SCEL: variants seen among roughly 807,000 people sequenced by gnomAD.
SCEL encodes the protein sciellin.
SCEL carries 113 observed loss-of-function variants against 117.6 expected under a neutral mutation model. That is an observed-to-expected ratio of 0.96 (90% CI 0.83 to 1.12). SCEL has a LOEUF of 1.12. SCEL is among the 50% of genes most tolerant of loss of function. The pLI, the probability that SCEL is intolerant of heterozygous loss-of-function variation, is 0.00. For missense variants in SCEL, 785 were observed against 810.8 expected (o/e 0.97, Z 0.39); for synonymous variants, 270 against 256.2 (o/e 1.05, Z -0.51).
Position 77,563,819 on chromosome 13 carries a change from T to C in SCEL, c.222-12T>C. 1.9e-6 allele frequency: 3 copies of C among 1,567,662 alleles called. No individual in the cohort carries two copies. The highest frequency in any genetic ancestry group is 2.6e-6 in the Non-Finnish European group (3 of 1,161,542). On this transcript the variant is annotated splice_polypyrimidine_tract_variant and intron_variant, in intron 4 of 32. Coordinates refer to ENST00000349847, the MANE Select transcript of SCEL (RefSeq NM_144777.3). The stretch of plus-strand genomic sequence containing the variant: ...TTGATTTTTTTTTTTTTGGTAATTA[T>C]GTTTGCTACAGGAAAGTAAATGAGA...
chr13:77,608,426 C>G (rs527317458), intron 20 of SCEL, among the ~76,000 whole-genome samples: 6 of 152,216 alleles, frequency 3.9e-5, no homozygotes, highest in African/African-American at 1.4e-4. Flanking sequence ...ATAGTGAAAC[C>G]GTGTCTCTAT....
intron 9 of SCEL, among the ~76,000 whole-genome samples, chr13:77,582,801 T>G (rs2086340182): frequency 2.0e-5 from 3 of 152,106 alleles, no homozygotes. Flanking sequence ...TTTGCTTAAC[T>G]AATGATCACA....
intron 1 of SCEL, among the ~76,000 whole-genome samples, chr13:77,536,481 A>G (rs920527236): frequency 6.6e-6 from 1 of 152,208 alleles, no homozygotes; most frequent in Non-Finnish European, 1.5e-5. Flanking sequence ...CATCTGGCCA[A>G]CTTCTCTATG....
chr13:77,618,729 A>G (rs1340178175), intron 27 of SCEL, among the ~76,000 whole-genome samples: 2 of 152,180 alleles, frequency 1.3e-5, no homozygotes, highest in African/African-American at 4.8e-5. Context: ...GAGTTTTAGG[A>G]CTGAAATGAA....
At chr13:77,611,439 A>T (rs1338292462) in intron 22 of SCEL, among the ~76,000 whole-genome samples, 6 of 152,180 alleles carry the variant, frequency 3.9e-5, no homozygotes. Context: ...TATTAATACA[A>T]CTTTATTTTT....
chr13:77,581,408 A>G (rs17067979), intron 9 of SCEL, among the ~76,000 whole-genome samples: 3,749 of 152,294 alleles, frequency 0.025, 156 homozygotes, highest in East Asian at 0.13. Context: ...GGAACAACCT[A>G]GACAGTCCCT....
At chr13:77,569,488 C>T (rs1454686165) in intron 8 of SCEL, 37 bp downstream of exon 8, 6 of 1,500,514 alleles carry the variant, frequency 4.0e-6, no homozygotes, top group Non-Finnish European at 5.6e-6. Flanking sequence ...CTTGCTGATA[C>T]ACTATGAAAG....
At chr13:77,556,459 C>G in intron 2 of SCEL, 137 bp from the exon 3 acceptor site, 1 of 695,360 alleles carries the variant, frequency 1.4e-6, no homozygotes, top group Middle Eastern at 2.5e-4. Flanking sequence ...GTGCATCCTA[C>G]TTTGAAACAG....
At chr13:77,585,522 G>A (rs2086512744) in intron 9 of SCEL, among the ~76,000 whole-genome samples, 1 of 152,068 alleles carries the variant, frequency 6.6e-6, no homozygotes, top group South Asian at 2.1e-4. Flanking sequence ...AGCCAAGCAT[G>A]TGCGCGCTCT....
At chr13:77,538,249 T>G (rs546153153) in intron 1 of SCEL, among the ~76,000 whole-genome samples, 1 of 151,984 alleles carries the variant, frequency 6.6e-6, no homozygotes, top group Non-Finnish European at 1.5e-5. Context: ...CCTGAGTAGC[T>G]GGGAGTACAC....
chr13:77,614,053 A>G (rs2154403451), intron 24 of SCEL, 98 bp downstream of exon 24: 1 of 980,738 alleles, frequency 1.0e-6, no homozygotes, highest in Non-Finnish European at 1.6e-6. Flanking sequence ...TTGAATATAA[A>G]TCTCAAAATA....
intron 1 of SCEL, among the ~76,000 whole-genome samples, chr13:77,541,480 A>C (rs2083698750): frequency 6.6e-6 from 1 of 151,968 alleles, no homozygotes; most frequent in Non-Finnish European, 1.5e-5. Flanking sequence ...CACTTCTCGG[A>C]TTCATTCAAA....
At chr13:77,632,731 A>G (rs112582008) in intron 28 of SCEL, among the ~76,000 whole-genome samples, 6 of 152,314 alleles carry the variant, frequency 3.9e-5, no homozygotes, top group South Asian at 2.1e-4. Flanking sequence ...CTATTTTTGC[A>G]TTAAGAATCT....
At chr13:77,642,868 A>G in intron 32 of SCEL, 60 bp downstream of exon 32, 2 of 828,254 alleles carry the variant, frequency 2.4e-6, no homozygotes, top group Non-Finnish European at 3.8e-6. Flanking sequence ...ATTTGGTATC[A>G]TTTAAAATGA....
chr13:77,602,722 T>G lies in SCEL; in HGVS notation c.1037+9T>G. 6.2e-7 allele frequency: 1 copy of G among 1,608,494 alleles called. No homozygotes were observed. The highest frequency in any genetic ancestry group is 8.5e-7 in the Non-Finnish European group (1 of 1,175,180). On this transcript the variant is annotated intron_variant, in intron 17 of 32. Coordinates refer to ENST00000349847, the MANE Select transcript of SCEL (RefSeq NM_144777.3). ...AATAAAACGAGCAGAAGGTGAGAAC[T>G]GAACAGATGTCTCTAAATATTGGTT... is the stretch of plus-strand genomic sequence containing the variant.
At chr13:77,545,849 G>A (rs1312425795) in intron 1 of SCEL, among the ~76,000 whole-genome samples, 2 of 152,230 alleles carry the variant, frequency 1.3e-5, no homozygotes, top group Non-Finnish European at 2.9e-5. Flanking sequence ...TCTGGCAGGG[G>A]CCTTCACTGA....
intron 8 of SCEL, among the ~76,000 whole-genome samples, chr13:77,570,398 A>G (rs1414080623): frequency 2.0e-5 from 3 of 152,214 alleles, no homozygotes; most frequent in East Asian, 1.9e-4. Flanking sequence ...TCCATCTCCT[A>G]TCTAGTGCAA....
chr13:77,622,869 A>G (rs1375612641), intron 27 of SCEL, among the ~76,000 whole-genome samples: 1 of 144,676 alleles, frequency 6.9e-6, no homozygotes, highest in Non-Finnish European at 1.6e-5. Context: ...TCTCTAAAAA[A>G]CAAACAAAAA....
intron 3 of SCEL, among the ~76,000 whole-genome samples, chr13:77,558,087 T>A (rs1049361537): frequency 2.0e-5 from 3 of 152,262 alleles, no homozygotes; most frequent in Non-Finnish European, 4.4e-5. Context: ...TCCAATTTTC[T>A]GTAGTGATAG....
Sources: allele counts gnomAD v4.1 joint callset (sites outside exome capture counted in the v4.1 genomes callset), GRCh38; gene constraint gnomAD v4.1.1; transcripts MANE v1.5; gene names NCBI Gene and HGNC (gene_info 2026-07-23, HGNC 2026-07-21).